Variants in HLTF observed in about 807,000 individuals in gnomAD.
HLTF encodes helicase like transcription factor, also known as DNA-dependent ATPase/E3 ubiquitin-protein ligase HLTF.
A neutral mutation model predicts 129.4 loss-of-function variants in HLTF; 127 were observed. That is an observed-to-expected ratio of 0.98 (90% CI 0.85 to 1.14). The LOEUF (loss-of-function observed/expected upper bound fraction) is 1.14, where lower values mean the gene tolerates loss of function less well. HLTF is among the 50% of genes most tolerant of loss of function. HLTF has a pLI of 0.00. For synonymous variants in HLTF, 332 were observed against 388.8 expected (o/e 0.85, Z 1.72); for missense variants, 1,139 against 1,187.1 (o/e 0.96, Z 0.60).
At chr3:149,064,751 A>G (rs1211923252) in intron 9 of HLTF, 40 bp downstream of exon 9, 1 of 1,164,916 alleles carries the variant, frequency 8.6e-7, no homozygotes, top group East Asian at 2.3e-5. Context: ...ATTAAAGTTT[A>G]CCAGATCAAA....
rs557314941 is a variant in HLTF at position 149,074,139 on chromosome 3, C to T, written c.529+76G>A. ...TTGAGCACAAATTAGCCAACAAACT[C>T]CAAGAGAGAATAAATGTTTCATAAT... On this transcript the variant is annotated intron_variant, in intron 4 of 24. Coordinates refer to ENST00000310053, the MANE Select transcript of HLTF (RefSeq NM_003071.4). The T allele has an allele frequency of 1.3e-4, 186 of 1,446,976 alleles. 1 individual carries two copies. In the African/African-American group the frequency reaches 2.5e-3, roughly 20 times the overall value. 89.6% of individuals were successfully genotyped at this position (1,446,976 alleles called of 1,614,324 possible).
At chr3:149,051,002 T>C (rs1007833091) in intron 14 of HLTF, among the ~76,000 whole-genome samples, 4 of 151,928 alleles carry the variant, frequency 2.6e-5, no homozygotes, top group African/African-American at 9.7e-5. Context: ...AAAGAGAAGA[T>C]ACCAGGGAGA....
Position 149,055,156 on chromosome 3 carries a change from T to A in HLTF, c.1473+147A>T, listed in dbSNP as rs559717740. 4 of 544,204 alleles carry A rather than the reference T, an allele frequency of 7.4e-6. No homozygotes were observed. In the East Asian group the frequency reaches 1.2e-4, roughly 17 times the overall value. The allele number at this position is 544,204 out of a possible 1,614,324, so 33.7% of individuals were successfully genotyped here. On this transcript the variant is annotated intron_variant, in intron 14 of 24. Transcript: ENST00000310053. ...AATTTCTTCAATTCAGCAAACATAATCCAATTCACCTGATGATTATTTGAA... is the reference window on the plus strand; with the variant it reads ...AATTTCTTCAATTCAGCAAACATAAACCAATTCACCTGATGATTATTTGAA...
chr3:149,084,919 A>C, intron 1 of HLTF, 30 bp from the exon 2 acceptor site: 2 of 1,494,000 alleles, frequency 1.3e-6, no homozygotes, highest in South Asian at 1.2e-5. Context: ...AAGAAAAACA[A>C]TATAATATTT....
chr3:149,044,942 C>A (rs951111215), intron 18 of HLTF, among the ~76,000 whole-genome samples: 1 of 152,136 alleles, frequency 6.6e-6, no homozygotes, highest in African/African-American at 2.4e-5. Flanking sequence ...TATTCCTATT[C>A]AAATAACCTA....
At chr3:149,035,276 T>G (rs958932609) in intron 23 of HLTF, among the ~76,000 whole-genome samples, 10 of 148,228 alleles carry the variant, frequency 6.7e-5, no homozygotes, top group Admixed American at 5.4e-4. Context: ...ATCAATTTGG[T>G]TTTTTTTTTC....
chr3:149,050,301 T>G lies in HLTF; in HGVS notation c.1548A>C (p.Arg516Ser). The G allele has an allele frequency of 6.3e-7, 1 of 1,599,750 alleles. No individual in the cohort carries two copies. Among genetic ancestry groups the G allele is most frequent in the Non-Finnish European group, 8.6e-7 (1 of 1,167,746 alleles). The change falls in exon 15 of 25, where the codon AGA (arginine) becomes AGC (serine). Residue 516 changes from arginine to serine, a missense_variant. Coordinates refer to ENST00000310053, the MANE Select transcript of HLTF (RefSeq NM_003071.4). The stretch of plus-strand genomic sequence containing the variant: ...CCTGTTTTGAAAGTAAGGCCGGTTC[T>G]CTAATACGATCAGGACCATAATAAA... Reference protein sequence around the residue: ...FYVYYGPDRIREPALLSKQDI... With the variant: ...FYVYYGPDRISEPALLSKQDI...
Position 149,059,747 on chromosome 3 carries a change from G to T in HLTF, c.1346C>A (p.Pro449His). ...TTTCAACATTTTCTTTTTTGTTGTA[G>T]GAACAGATGAAGTTAATGCACATGC... ...AFACALTSSV[P>H]TTKKKMLKKG... The change falls in exon 13 of 25, where the codon CCT (proline) becomes CAT (histidine). Residue 449 changes from proline (P) to histidine (H), a missense_variant. Physicochemically the swap from Pro to His is moderately conservative, Grantham distance 77. Transcript: ENST00000310053. 1 of 1,597,916 alleles carries T rather than the reference G, an allele frequency of 6.3e-7. No homozygotes were observed.
Position 149,032,144 on chromosome 3 carries a change from T to C in HLTF, c.*76A>G. 2.6e-6 allele frequency: 3 copies of C among 1,157,954 alleles called. No homozygotes were observed. Among genetic ancestry groups the C allele is most frequent in the Non-Finnish European group, 3.6e-6 (3 of 832,496 alleles). 71.7% of individuals were successfully genotyped at this position (1,157,954 alleles called of 1,614,324 possible). On this transcript the variant is annotated 3_prime_UTR_variant, in exon 25 of 25. Transcript: ENST00000310053. ...TAGAAGACGTGTTCTCTAGATCTCA[T>C]TTCTAAAACTCTGTATTTTTCTCAT...
intron 22 of HLTF, 94 bp from the exon 23 acceptor site, chr3:149,039,323 T>G: frequency 6.3e-6 from 6 of 945,534 alleles, no homozygotes; most frequent in Non-Finnish European, 8.9e-6. Context: ...ATAAATTCTT[T>G]CACTCATTTA....
chr3:149,061,810 TGG>T, intron 10 of HLTF, among the ~76,000 whole-genome samples: 1 of 143,018 alleles, frequency 7.0e-6, no homozygotes, highest in South Asian at 2.2e-4. Context: ...CACTCCAGCC[TGG>T]GCGACAGGAG....
chr3:149,065,395 C>T (rs755908278), intron 8 of HLTF, among the ~76,000 whole-genome samples: 8 of 152,126 alleles, frequency 5.3e-5, no homozygotes, highest in Non-Finnish European at 1.2e-4. Flanking sequence ...TTCCAATGTA[C>T]CTTTGTTTCC....
At chr3:149,074,800 G>A (rs1420422886) in intron 3 of HLTF, among the ~76,000 whole-genome samples, 4 of 152,008 alleles carry the variant, frequency 2.6e-5, no homozygotes, top group Non-Finnish European at 5.9e-5. Context: ...GACATTATGA[G>A]CATTTATTTT....
intron 24 of HLTF, 21 bp from the exon 25 acceptor site, chr3:149,032,393 G>T (rs774151303): frequency 7.4e-7 from 1 of 1,351,196 alleles, no homozygotes; most frequent in Non-Finnish European, 1.0e-6. Flanking sequence ...AAAAAAAAAA[G>T]TTAAGTAGTT....
At chr3:149,036,843 A>C (rs1715678040) in intron 23 of HLTF, among the ~76,000 whole-genome samples, 1 of 152,206 alleles carries the variant, frequency 6.6e-6, no homozygotes, top group South Asian at 2.1e-4. Flanking sequence ...CTGACTTTTA[A>C]GTTAGAAACA....
chr3:149,071,138 A>C, intron 7 of HLTF, 114 bp downstream of exon 7: 1 of 610,320 alleles, frequency 1.6e-6, no homozygotes, highest in Non-Finnish European at 2.8e-6. Flanking sequence ...AGATAGTAAG[A>C]TCTAGTCCCA....
Position 149,039,631 on chromosome 3 carries a change from C to CA in HLTF, c.2564dup (p.Leu855PhefsTer18). ...GGAATGTTGTAAACTGAGAAACAAC[C>CA]AAACTTTTTATGTTGGGATTCTTCT... On this transcript the variant is annotated frameshift_variant, in exon 22 of 25. Transcript: ENST00000310053. LOFTEE classifies it high-confidence loss of function. The CA allele has an allele frequency of 6.2e-7, 1 of 1,606,562 alleles. No individual in the cohort carries two copies. Among genetic ancestry groups the CA allele is most frequent in the Non-Finnish European group, 8.5e-7 (1 of 1,176,436 alleles).
Position 149,075,879 on chromosome 3 carries a change from A to G in HLTF, c.395+2T>C. On this transcript the variant is annotated splice_donor_variant, in intron 3 of 24. Transcript: ENST00000310053. LOFTEE classifies it high-confidence loss of function. ...TAAAACTAAATTCTGAAAGTACATT[A>G]CCCTTCAATTTGTGCCAATTTGTTG... The G allele has an allele frequency of 1.3e-6, 2 of 1,593,230 alleles. No homozygotes were observed. The highest frequency in any genetic ancestry group is 8.5e-7 in the Non-Finnish European group (1 of 1,170,780).
Position 149,031,613 on chromosome 3 carries a change from T to G in HLTF, c.*607A>C, listed in dbSNP as rs1715056903. The G allele has an allele frequency of 6.6e-6, 1 of 152,326 alleles. No individual in the cohort carries two copies. The highest frequency in any genetic ancestry group is 6.6e-5 in the Admixed American group (1 of 15,266). 9.4% of individuals were successfully genotyped at this position (152,326 alleles called of 1,614,324 possible). A position where few individuals can be genotyped will look rare whatever the true frequency, so the allele number is the denominator to read the frequency against. Reference sequence around the variant, plus strand: ...AGTACTCTTAACATAATCCCTAATTTTTTCATGAACATAAAACTCCAAGTC... The same window carrying G: ...AGTACTCTTAACATAATCCCTAATTGTTTCATGAACATAAAACTCCAAGTC... On this transcript the variant is annotated 3_prime_UTR_variant, in exon 25 of 25. Transcript: ENST00000310053.
Sources: allele counts gnomAD v4.1 joint callset (sites outside exome capture counted in the v4.1 genomes callset), GRCh38; gene constraint gnomAD v4.1.1; transcripts MANE v1.5; gene names NCBI Gene and HGNC (gene_info 2026-07-23, HGNC 2026-07-21).